The following ANP32B variants were observed in gnomAD, a reference collection of about 807,000 sequenced individuals.
The protein encoded by ANP32B is acidic nuclear phosphoprotein 32 family member B, also known as acidic leucine-rich nuclear phosphoprotein 32 family member B.
In ANP32B, 6 loss-of-function variants were observed where a neutral mutation model predicts 32.2. That is an observed-to-expected ratio of 0.19 (90% CI 0.10 to 0.37). The LOEUF (loss-of-function observed/expected upper bound fraction) is 0.37. Among genes scored for constraint, ANP32B ranks in the 10% least tolerant of loss-of-function variants. ANP32B has a pLI of 1.00. For synonymous variants in ANP32B, 98 were observed against 105.8 expected, an observed-to-expected ratio of 0.93 and a Z score of 0.45; for missense variants, 204 against 289.2, an observed-to-expected ratio of 0.71 and a Z score of 2.14.
rs562853890 is a variant in ANP32B, at chr9:97,994,607, T to TC, written c.55-22dup. 1.4e-4 allele frequency: 213 copies of TC among 1,528,826 alleles called. 2 individuals are homozygous for TC. The South Asian group carries it at 2.0e-3, about 15-fold the overall frequency. 94.7% of individuals were successfully genotyped at this position (1,528,826 alleles called of 1,614,324 possible). On this transcript the variant is annotated intron_variant, in intron 1 of 6. Coordinates refer to ENST00000339399, the MANE Select transcript of ANP32B (RefSeq NM_006401.3). ...TTTTCAATGTGTTTTTGAGAGCTTA[T>TC]CCTTTTTTCTTTGTCATCCACAGGT...
At chr9:97,983,633 C>A (rs373994803) in intron 1 of ANP32B, 24 bp downstream of exon 1, 2 of 1,536,194 alleles carry the variant, frequency 1.3e-6, no homozygotes, top group Non-Finnish European at 8.8e-7. Context: ...CCTCTGGGTG[C>A]CCTCTCCCCC....
At chr9:98,002,000 C>T (rs1419895333) in intron 3 of ANP32B, among the ~76,000 whole-genome samples, 4 of 152,148 alleles carry the variant, frequency 2.6e-5, no homozygotes, top group African/African-American at 7.2e-5. Flanking sequence ...AGAGCTATTT[C>T]GAAAAGCCTG....
At chr9:97,989,757 C>T (rs185285199) in intron 1 of ANP32B, among the ~76,000 whole-genome samples, 1 of 152,228 alleles carries the variant, frequency 6.6e-6, no homozygotes, top group East Asian at 1.9e-4. Flanking sequence ...CAGTCTAGAT[C>T]TCTATACCCA....
intron 4 of ANP32B, 32 bp from the exon 5 acceptor site, chr9:98,011,239 T>C: frequency 1.3e-6 from 2 of 1,549,656 alleles, no homozygotes; most frequent in Non-Finnish European, 1.7e-6. Context: ...GCGTCGAGGA[T>C]ATTTAATGAA....
chr9:97,999,780 C>G (rs1191640196), intron 3 of ANP32B, among the ~76,000 whole-genome samples: 1 of 152,164 alleles, frequency 6.6e-6, no homozygotes, highest in Non-Finnish European at 1.5e-5. Context: ...AAAAGGGCTT[C>G]CAGAGGCAGG....
At chr9:98,000,270 A>G (rs934717182) in intron 3 of ANP32B, among the ~76,000 whole-genome samples, 31 of 152,148 alleles carry the variant, frequency 2.0e-4, no homozygotes, top group African/African-American at 7.5e-4. Context: ...CTGAGCCACC[A>G]TGTCCGGCTG....
chr9:97,996,842 A>T (rs1310737409), intron 2 of ANP32B, among the ~76,000 whole-genome samples: 1 of 151,872 alleles, frequency 6.6e-6, no homozygotes, highest in East Asian at 1.9e-4. Flanking sequence ...TCAGGTGATC[A>T]GCCCACCTCG....
chr9:98,004,761 G>C (rs1473069768), intron 3 of ANP32B, among the ~76,000 whole-genome samples: 1 of 152,136 alleles, frequency 6.6e-6, no homozygotes, highest in Non-Finnish European at 1.5e-5. Flanking sequence ...AGTTCTCTGG[G>C]AGAGTAGATA....
intron 1 of ANP32B, chr9:97,984,738 AGCCGCGCGCCGCG>A (rs1374836049): frequency 6.7e-6 from 1 of 148,412 alleles, no homozygotes; most frequent in Non-Finnish European, 1.5e-5. Flanking sequence ...CACTGGCGGG[AGCCGCGCGCCGCG>A]GCCGCCGCCG....
chr9:98,000,673 C>T (rs1470887240), intron 3 of ANP32B, among the ~76,000 whole-genome samples: 5 of 152,040 alleles, frequency 3.3e-5, no homozygotes, highest in African/African-American at 1.2e-4. Context: ...CCTGTAATCC[C>T]AGCACTTTGG....
At chr9:98,010,265 T>G (rs117152739) in intron 4 of ANP32B, among the ~76,000 whole-genome samples, 34,766 of 148,374 alleles carry the variant, frequency 0.23, 4,392 homozygotes, top group Non-Finnish European at 0.29. Flanking sequence ...AAATGGTGTT[T>G]TTTTTTTTTT....
chr9:97,998,041 C>A (rs950307739), intron 2 of ANP32B, among the ~76,000 whole-genome samples: 1 of 152,198 alleles, frequency 6.6e-6, no homozygotes, highest in Non-Finnish European at 1.5e-5. Flanking sequence ...TATGGGCTTA[C>A]TTGTAGGGCC....
intron 3 of ANP32B, among the ~76,000 whole-genome samples, chr9:97,999,276 T>C (rs1827952683): frequency 6.6e-6 from 1 of 152,226 alleles, no homozygotes. Flanking sequence ...TTGAAATTCA[T>C]GTATTGACTA....
intron 1 of ANP32B, among the ~76,000 whole-genome samples, chr9:97,985,698 CAA>C (rs1827716497): frequency 6.6e-6 from 1 of 152,196 alleles, no homozygotes; most frequent in South Asian, 2.1e-4. Context: ...TTAAAATTCT[CAA>C]GAGTAGTGTT....
chr9:97,990,763 G>A (rs1827810658), intron 1 of ANP32B, among the ~76,000 whole-genome samples: 1 of 146,090 alleles, frequency 6.8e-6, no homozygotes, highest in East Asian at 2.2e-4. Context: ...TCCAACAAGA[G>A]TAGAATGATA....
intron 1 of ANP32B, among the ~76,000 whole-genome samples, 200 bp downstream of exon 1, chr9:97,983,809 G>A (rs557370938): frequency 0.023 from 3,513 of 151,674 alleles, 61 homozygotes; most frequent in Middle Eastern, 0.055. Context: ...CGGGCCCCTG[G>A]GGCGGCCGGG....
intron 1 of ANP32B, among the ~76,000 whole-genome samples, chr9:97,985,149 GC>G (rs970640153): frequency 6.6e-6 from 1 of 151,638 alleles, no homozygotes; most frequent in African/African-American, 2.4e-5. Context: ...CCCGCGGAGG[GC>G]GGCCCCGCGG....
At chr9:97,984,030 G>C (rs981206316) in intron 1 of ANP32B, among the ~76,000 whole-genome samples, 12 of 150,042 alleles carry the variant, frequency 8.0e-5, no homozygotes, top group Non-Finnish European at 1.6e-4. Flanking sequence ...GCCTGGGCCA[G>C]GCCGGGCTCC....
Position 98,015,397 on chromosome 9 carries a change from A to G in ANP32B, c.722A>G (p.Lys241Arg). The G allele has an allele frequency of 6.4e-7, 1 of 1,550,550 alleles. No homozygotes were observed. Among genetic ancestry groups the G allele is most frequent in the Non-Finnish European group, 8.7e-7 (1 of 1,146,708 alleles). ...GAAGGTGGGAAAGGTGAAAAGAGGA[A>G]GAGAGAAACAGATGATGAAGGAGAA... The part of the protein sequence containing the change: ...EEEGGKGEKR[K>R]RETDDEGEDD The change falls in exon 7 of 7, where the codon AAG becomes AGG. Residue 241 changes from lysine to arginine, a missense_variant. Transcript: ENST00000339399.
Sources: allele counts gnomAD v4.1 joint callset (sites outside exome capture counted in the v4.1 genomes callset), GRCh38; gene constraint gnomAD v4.1.1; transcripts MANE v1.5; gene names NCBI Gene and HGNC (gene_info 2026-07-23, HGNC 2026-07-21).